CTNNA2: variants seen among roughly 807,000 people sequenced by gnomAD.
CTNNA2 encodes the protein catenin alpha 2.
A neutral mutation model predicts 101.0 loss-of-function variants in CTNNA2; 42 were observed. That is an observed-to-expected ratio of 0.42 (90% CI 0.32 to 0.54). The LOEUF is 0.54. Ranked by LOEUF, CTNNA2 falls within the 20% of genes least tolerant of loss-of-function variation. The pLI is 0.14. For missense variants in CTNNA2, 871 were observed against 1,223.1 expected (o/e 0.71, Z 4.29); for synonymous variants, 450 against 456.4 (o/e 0.99, Z 0.18).
At chr2:79,268,909 T>C (rs1675024422) in intron 2 of CTNNA2, among the ~76,000 whole-genome samples, 1 of 152,020 alleles carries the variant, frequency 6.6e-6, no homozygotes. Context: ...TCCAAGCAGA[T>C]TGAATACAGT....
chr2:80,575,793 C>T (rs752409302), intron 13 of CTNNA2, among the ~76,000 whole-genome samples: 2 of 152,138 alleles, frequency 1.3e-5, no homozygotes, highest in Non-Finnish European at 2.9e-5. Context: ...CACACATACA[C>T]ACACACAATT....
chr2:79,436,229 T>A (rs17040656), intron 4 of CTNNA2, among the ~76,000 whole-genome samples: 45,828 of 152,016 alleles, frequency 0.3, 7,119 homozygotes, highest in South Asian at 0.44. Context: ...TCAGGAAGCC[T>A]TAGTGGATCA....
chr2:79,468,490 G>T (rs1160393793), intron 4 of CTNNA2, among the ~76,000 whole-genome samples: 1 of 152,000 alleles, frequency 6.6e-6, no homozygotes, highest in Non-Finnish European at 1.5e-5. Context: ...AGTCAACAAG[G>T]ATACCCAGGA....
intron 4 of CTNNA2, among the ~76,000 whole-genome samples, chr2:79,501,140 G>T (rs924903112): frequency 3.9e-5 from 6 of 152,072 alleles, no homozygotes; most frequent in African/African-American, 1.4e-4. Flanking sequence ...GTGATTCTTG[G>T]GTTAGGTAGC....
At chr2:79,428,168 T>A (rs1345276053) in intron 4 of CTNNA2, among the ~76,000 whole-genome samples, 2 of 152,252 alleles carry the variant, frequency 1.3e-5, no homozygotes, top group East Asian at 3.9e-4. Flanking sequence ...TCTTCATTTT[T>A]TTTTTAATGC....
At chr2:80,514,862 AT>A (rs1030465395) in intron 9 of CTNNA2, among the ~76,000 whole-genome samples, 2 of 152,114 alleles carry the variant, frequency 1.3e-5, no homozygotes, top group African/African-American at 4.8e-5. Flanking sequence ...ATAAAAAGAC[AT>A]TATTCAAAAA....
At chr2:80,127,866 A>G (rs2148889761) in intron 7 of CTNNA2, among the ~76,000 whole-genome samples, 1 of 152,278 alleles carries the variant, frequency 6.6e-6, no homozygotes, top group Middle Eastern at 3.4e-3. Flanking sequence ...TACTTGGAGT[A>G]CAGGGGGCAG....
At chr2:80,541,541 GA>G (rs1277950503) in intron 9 of CTNNA2, among the ~76,000 whole-genome samples, 1 of 152,124 alleles carries the variant, frequency 6.6e-6, no homozygotes, top group African/African-American at 2.4e-5. Context: ...GATACACAAA[GA>G]AAAGTTTATT....
chr2:80,016,916 T>C (rs1423561714), intron 7 of CTNNA2, among the ~76,000 whole-genome samples: 1 of 152,208 alleles, frequency 6.6e-6, no homozygotes, highest in African/African-American at 2.4e-5. Flanking sequence ...TTCTAGTGCA[T>C]AAATTAAGGT....
At chr2:80,455,657 A>C (rs555343167) in intron 9 of CTNNA2, among the ~76,000 whole-genome samples, 2 of 152,174 alleles carry the variant, frequency 1.3e-5, no homozygotes, top group African/African-American at 4.8e-5. Flanking sequence ...GAAGAAAATA[A>C]TATGATAAAT....
intron 7 of CTNNA2, among the ~76,000 whole-genome samples, chr2:80,077,466 C>CG (rs1558785610): frequency 6.6e-6 from 1 of 151,672 alleles, no homozygotes; most frequent in African/African-American, 2.4e-5. Context: ...CAACAACTAG[C>CG]GGTTAGGCGT....
intron 7 of CTNNA2, among the ~76,000 whole-genome samples, chr2:79,992,967 A>G (rs1346730301): frequency 6.6e-6 from 1 of 152,192 alleles, no homozygotes; most frequent in African/African-American, 2.4e-5. Context: ...TAAAATTGAC[A>G]AAATTTTGCT....
Position 79,818,821 on chromosome 2 carries a change from T to TTATATATATATATA in CTNNA2, c.299-39178_299-39165dup, listed in dbSNP as rs372924495. Among the ~76,000 whole-genome samples the TTATATATATATATA allele has an allele frequency of 6.8e-3, 506 of 73,982 alleles. 9 individuals carry two copies. The highest frequency in any genetic ancestry group is 0.036 in the African/African-American group (474 of 13,342). The allele number at this position is 73,982 out of a possible 152,430, so 48.5% of individuals were successfully genotyped here. Reference sequence around the variant, plus strand: ...ATATACTTCAGGATCCAAAATGCAATTATATATATATATATATATATATAT... The same window carrying TTATATATATATATA: ...ATATACTTCAGGATCCAAAATGCAATTATATATATATATATATATATATATATATATATATATAT... On this transcript the variant is annotated intron_variant, in intron 3 of 18. Coordinates refer to ENST00000402739, the MANE Select transcript of CTNNA2 (RefSeq NM_001282597.3).
intron 4 of CTNNA2, among the ~76,000 whole-genome samples, chr2:79,395,078 C>T (rs1678214809): frequency 6.6e-6 from 1 of 152,024 alleles, no homozygotes; most frequent in African/African-American, 2.4e-5. Flanking sequence ...ACCTGTGTAG[C>T]CTAGTGCAAT....
intron 7 of CTNNA2, among the ~76,000 whole-genome samples, chr2:80,290,905 A>G (rs890305086): frequency 2.6e-5 from 4 of 152,206 alleles, no homozygotes; most frequent in African/African-American, 9.6e-5. Context: ...GACGTAAAAC[A>G]CTAAACTGAC....
chr2:80,386,967 C>A lies in CTNNA2; in HGVS notation c.1057-6244C>A, dbSNP rs112884206. 4.6e-4 allele frequency among the ~76,000 whole-genome samples: 70 copies of A among 152,042 alleles called. 1 individual carries two copies. Among genetic ancestry groups the A allele is most frequent in the African/African-American group, 1.6e-3 (66 of 41,486 alleles). The stretch of plus-strand genomic sequence containing the variant: ...ATATTCCCAGGGCTTCCATGAGAGA[C>A]CCCCCAGAACTGGATTATGTGTTTA... On this transcript the variant is annotated intron_variant, in intron 7 of 18. Transcript: ENST00000402739.
intron 4 of CTNNA2, among the ~76,000 whole-genome samples, chr2:79,424,101 A>C (rs1374788037): frequency 6.6e-6 from 1 of 152,172 alleles, no homozygotes; most frequent in South Asian, 2.1e-4. Flanking sequence ...AGAGAGAGGA[A>C]GCCAATGCTA....
chr2:80,083,912 A>G (rs142282118), intron 7 of CTNNA2, among the ~76,000 whole-genome samples: 273 of 152,244 alleles, frequency 1.8e-3, no homozygotes, highest in African/African-American at 6.3e-3. Context: ...GTGGATCATA[A>G]TCTCAAAATA....
chr2:79,760,596 A>G (rs963788049), intron 3 of CTNNA2, among the ~76,000 whole-genome samples: 6 of 152,198 alleles, frequency 3.9e-5, no homozygotes, highest in African/African-American at 9.7e-5. Context: ...TGTTAACTAT[A>G]TCTACAAAAT....
Sources: gnomAD v4.1 joint callset for allele counts (sites outside exome capture counted in the v4.1 genomes callset) on GRCh38, gnomAD v4.1.1 for gene constraint, MANE v1.5 for transcripts, NCBI Gene and HGNC (gene_info 2026-07-23, HGNC 2026-07-21) for gene names.